Variants in KSR2 observed in about 807,000 individuals in gnomAD.
KSR2 encodes the protein kinase suppressor of ras 2.
In KSR2, 25 loss-of-function variants were observed where a neutral mutation model predicts 107.8. The ratio of observed to expected loss-of-function variants is 0.23; its 90% CI spans 0.17 to 0.32. The LOEUF (loss-of-function observed/expected upper bound fraction) is 0.32. Ranked by LOEUF, KSR2 falls within the 10% of genes least tolerant of loss-of-function variation. KSR2 has a pLI of 1.00. For missense variants in KSR2, 887 were observed against 1,268.9 expected, an observed-to-expected ratio of 0.70 and a Z score of 4.57; for synonymous variants, 480 against 507.0, an observed-to-expected ratio of 0.95 and a Z score of 0.71.
chr12:117,697,480 T>C (rs751200361), intron 4 of KSR2, among the ~76,000 whole-genome samples: 27 of 152,220 alleles, frequency 1.8e-4, no homozygotes, highest in Non-Finnish European at 2.6e-4. Context: ...CTGTGGCCCA[T>C]GCCTGTAACC....
chr12:117,835,307 G>C (rs530774600), intron 3 of KSR2, among the ~76,000 whole-genome samples: 2 of 152,328 alleles, frequency 1.3e-5, no homozygotes, highest in Admixed American at 6.5e-5. Flanking sequence ...GATGGTGCAT[G>C]TATGTGTGTG....
intron 5 of KSR2, among the ~76,000 whole-genome samples, chr12:117,654,161 C>T (rs1360620050): frequency 6.6e-6 from 1 of 152,160 alleles, no homozygotes; most frequent in African/African-American, 2.4e-5. Flanking sequence ...CTATGTGACC[C>T]GAACTGCCTA....
intron 4 of KSR2, among the ~76,000 whole-genome samples, chr12:117,676,842 T>C (rs1885142377): frequency 6.6e-6 from 1 of 152,178 alleles, no homozygotes; most frequent in African/African-American, 2.4e-5. Flanking sequence ...AAAAAGACCT[T>C]TGTAAGAATG....
intron 3 of KSR2, among the ~76,000 whole-genome samples, chr12:117,767,249 T>C (rs1403258956): frequency 2.4e-5 from 2 of 83,084 alleles, no homozygotes; most frequent in South Asian, 8.3e-4. Flanking sequence ...CCGTCTCTAC[T>C]AAAAATCCAA....
intron 4 of KSR2, among the ~76,000 whole-genome samples, chr12:117,677,911 A>C (rs1459633546): frequency 6.6e-6 from 1 of 152,034 alleles, no homozygotes; most frequent in Non-Finnish European, 1.5e-5. Context: ...TCACAGATGA[A>C]GAAACCGAGT....
chr12:117,917,375 T>TA (rs1555256721), intron 1 of KSR2, among the ~76,000 whole-genome samples: 1 of 152,028 alleles, frequency 6.6e-6, no homozygotes, highest in East Asian at 1.9e-4. Context: ...ACCCTGTCTC[T>TA]AAAAAATTTT....
chr12:117,672,907 G>A (rs1008755346), intron 4 of KSR2, among the ~76,000 whole-genome samples: 44 of 152,348 alleles, frequency 2.9e-4, no homozygotes, highest in African/African-American at 1.1e-3. Context: ...GGGATTACAG[G>A]CGTGGGCCAC....
rs559448653 is a variant in KSR2, at chr12:117,655,506, C to T, written c.1171+11968G>A. ...CGGCATCCAATATATGGTACTCTTTCTCCCATAGCCAGAATTCACAGGTCC... is the reference window on the plus strand; with the variant it reads ...CGGCATCCAATATATGGTACTCTTTTTCCCATAGCCAGAATTCACAGGTCC... On this transcript the variant is annotated intron_variant, in intron 5 of 19. Transcript: ENST00000339824. Among the ~76,000 whole-genome samples, 3 of 152,266 alleles carry T rather than the reference C, an allele frequency of 2.0e-5. No individual in the cohort carries two copies. In the South Asian group the frequency reaches 6.2e-4, roughly 32 times the overall value.
chr12:117,838,942 A>G (rs2137149889), intron 3 of KSR2, among the ~76,000 whole-genome samples: 1 of 152,360 alleles, frequency 6.6e-6, no homozygotes, highest in South Asian at 2.1e-4. Context: ...CTGATGTTGC[A>G]GCGTGAAAAC....
intron 7 of KSR2, among the ~76,000 whole-genome samples, chr12:117,560,228 C>T (rs1322148002): frequency 6.6e-6 from 1 of 152,152 alleles, no homozygotes; most frequent in Admixed American, 6.5e-5. Flanking sequence ...AGGCAGCACT[C>T]TGGGTCTGAA....
chr12:117,536,503 C>A (rs1276144987), intron 10 of KSR2, among the ~76,000 whole-genome samples: 1 of 152,078 alleles, frequency 6.6e-6, no homozygotes, highest in Non-Finnish European at 1.5e-5. Context: ...AGATAAAGTC[C>A]CTGTCCTCAA....
chr12:117,701,021 T>A (rs551617585), intron 4 of KSR2, among the ~76,000 whole-genome samples: 1 of 152,328 alleles, frequency 6.6e-6, no homozygotes, highest in East Asian at 1.9e-4. Context: ...CCAACTAACC[T>A]TTTAGCTCCA....
chr12:117,591,643 C>T (rs995739296), intron 5 of KSR2, among the ~76,000 whole-genome samples: 1 of 151,276 alleles, frequency 6.6e-6, no homozygotes, highest in Non-Finnish European at 1.5e-5. Context: ...ATGTGAGGGA[C>T]AACATCACAG....
chr12:117,838,825 T>C (rs1226186463), intron 3 of KSR2, among the ~76,000 whole-genome samples: 1 of 152,246 alleles, frequency 6.6e-6, no homozygotes, highest in East Asian at 1.9e-4. Flanking sequence ...TCACTATTTC[T>C]AGCTTGGTCT....
In KSR2 at chr12:117,922,264, C is replaced by T. The variant is rs373456431; in HGVS notation, c.180+45812G>A. 3.3e-5 allele frequency among the ~76,000 whole-genome samples: 5 copies of T among 152,264 alleles called. No homozygotes were observed. The South Asian group carries it at 1.0e-3, about 32-fold the overall frequency. ...CTAATGCAAATGCTTTAACTTCTTC[C>T]CAGAGAAATTCTGTGAGAAATTCTC... On this transcript the variant is annotated intron_variant, in intron 1 of 19. Transcript: ENST00000339824.
Position 117,802,475 on chromosome 12 carries a change from T to C in KSR2, c.473-40951A>G, listed in dbSNP as rs1288596111. ...AGAGATGTCCCTGGGGATGAGGGCA[T>C]GGGCATCTTTGGGGAAAGGGGGTCA... On this transcript the variant is annotated intron_variant, in intron 3 of 19. Transcript: ENST00000339824. 3.9e-5 allele frequency among the ~76,000 whole-genome samples: 6 copies of C among 152,176 alleles called. No individual in the cohort carries two copies. In the South Asian group the frequency reaches 6.2e-4, roughly 16 times the overall value.
Position 117,521,690 on chromosome 12 carries a change from G to A in KSR2, c.2219+3162C>T, listed in dbSNP as rs370063070. ...AAGTAATTGGCTAGAATGTGCCACTGTGAATTGATCCAGAATATGCCAGGT... is the reference window on the plus strand; with the variant it reads ...AAGTAATTGGCTAGAATGTGCCACTATGAATTGATCCAGAATATGCCAGGT... On this transcript the variant is annotated intron_variant, in intron 14 of 19. Transcript: ENST00000339824. Among the ~76,000 whole-genome samples, 76 of 152,306 alleles carry A rather than the reference G, an allele frequency of 5.0e-4. No individual in the cohort carries two copies. In the South Asian group the frequency reaches 0.014, roughly 28 times the overall value.
At chr12:117,807,929 CCTT>C (rs1891067656) in intron 3 of KSR2, among the ~76,000 whole-genome samples, 2 of 152,270 alleles carry the variant, frequency 1.3e-5, no homozygotes, top group African/African-American at 4.8e-5. Flanking sequence ...AGTGATGTCT[CCTT>C]CTTTGAGCTC....
At chr12:117,731,998 C>A (rs1442723202) in intron 4 of KSR2, among the ~76,000 whole-genome samples, 2 of 149,204 alleles carry the variant, frequency 1.3e-5, no homozygotes, top group Non-Finnish European at 3.0e-5. Context: ...CCTGCCAAAT[C>A]CCCCTCTCCG....
Sources: allele counts gnomAD v4.1 joint callset (sites outside exome capture counted in the v4.1 genomes callset), GRCh38; gene constraint gnomAD v4.1.1; transcripts MANE v1.5; gene names NCBI Gene and HGNC (gene_info 2026-07-23, HGNC 2026-07-21).